Variants in PAAF1 observed in about 807,000 individuals in gnomAD.
The protein encoded by PAAF1 is proteasomal ATPase associated factor 1.
Under a neutral mutation model 52.8 loss-of-function variants are expected in PAAF1, and 46 were observed. The ratio of observed to expected loss-of-function variants is 0.87; its 90% CI spans 0.69 to 1.11. The LOEUF is 1.11. Among genes scored for constraint, PAAF1 ranks in the 50% most tolerant of loss-of-function variants. The probability of loss-of-function intolerance (pLI) is 0.00; values close to 1 mark genes in which losing one functional copy is unlikely to be tolerated. For missense variants in PAAF1, 424 were observed against 477.4 expected, an observed-to-expected ratio of 0.89 and a Z score of 1.04; for synonymous variants, 178 against 172.8, an observed-to-expected ratio of 1.03 and a Z score of -0.24.
At chr11:73,895,152 T>G (rs1239739977) in intron 4 of PAAF1, among the ~76,000 whole-genome samples, 1 of 152,322 alleles carries the variant, frequency 6.6e-6, no homozygotes, top group East Asian at 1.9e-4. Context: ...GCTAGAGATG[T>G]GGGACTAGAC....
At chr11:73,889,239 TCAGA>T in intron 3 of PAAF1, 2 of 1,441,606 alleles carry the variant, frequency 1.4e-6, no homozygotes, top group Admixed American at 4.9e-5. Flanking sequence ...CTGAGTGGGT[TCAGA>T]CAGTAAGTGC....
chr11:73,891,533 T>A (rs759518102), intron 4 of PAAF1, among the ~76,000 whole-genome samples: 5 of 152,200 alleles, frequency 3.3e-5, no homozygotes, highest in Non-Finnish European at 7.3e-5. Flanking sequence ...CCTAGCACTT[T>A]GGGAGGCAGA....
At chr11:73,895,786 T>C (rs1949327925) in intron 4 of PAAF1, among the ~76,000 whole-genome samples, 1 of 152,216 alleles carries the variant, frequency 6.6e-6, no homozygotes, top group Non-Finnish European at 1.5e-5. Context: ...TAATGGCTTA[T>C]GCATGAAGTG....
Position 73,877,035 on chromosome 11 carries a change from T to A in PAAF1, c.14T>A (p.Leu5Ter), listed in dbSNP as rs1192490519. ...GGCGGGGTCGAGATGGCGGCGCCTT[T>A]GAGGATTCAGAGCGACTGGGCGCAA... MAAP[L>*]RIQSDWAQAL... The change falls in exon 1 of 12, where the codon TTG becomes TAG. Residue 5 changes from leucine (L) to a stop codon, truncating the protein, a stop_gained. Transcript: ENST00000310571. LOFTEE classifies it high-confidence loss of function. 6.5e-7 allele frequency: 1 copy of A among 1,534,458 alleles called. No individual in the cohort carries two copies. The highest frequency in any genetic ancestry group is 2.0e-5 in the Admixed American group (1 of 48,786).
chr11:73,891,263 C>T, intron 4 of PAAF1, 62 bp downstream of exon 4: 1 of 929,076 alleles, frequency 1.1e-6, no homozygotes, highest in South Asian at 1.4e-5. Context: ...ATTTTATTTG[C>T]TTGTCTAGTG....
chr11:73,891,229 AATGTAATAGC>A, intron 4 of PAAF1, 28 bp downstream of exon 4: 1 of 1,277,486 alleles, frequency 7.8e-7, no homozygotes, highest in Non-Finnish European at 1.1e-6. Flanking sequence ...ATGAAGAGAA[AATGTAATAGC>A]ATGTTAATTT....
At chr11:73,899,556 CAT>C in intron 5 of PAAF1, among the ~76,000 whole-genome samples, 1 of 151,916 alleles carries the variant, frequency 6.6e-6, no homozygotes, top group Admixed American at 6.6e-5. Context: ...AGATTACAGG[CAT>C]GTGCCACCAC....
chr11:73,896,894 C>G (rs922193056), intron 4 of PAAF1, among the ~76,000 whole-genome samples: 1 of 151,206 alleles, frequency 6.6e-6, no homozygotes, highest in African/African-American at 2.4e-5. Flanking sequence ...GCGCCCCTCA[C>G]CTCCCGGACG....
At chr11:73,894,148 G>A (rs900748327) in intron 4 of PAAF1, among the ~76,000 whole-genome samples, 4 of 152,120 alleles carry the variant, frequency 2.6e-5, no homozygotes, top group Admixed American at 2.0e-4. Context: ...TGAGGGAGAA[G>A]GCAATTCACC....
At chr11:73,878,920 A>G in intron 2 of PAAF1, 101 bp downstream of exon 2, 1 of 1,104,662 alleles carries the variant, frequency 9.1e-7, no homozygotes, top group South Asian at 1.4e-5. Context: ...TCCTTACATA[A>G]TAGTCTGCAA....
At position 73,927,463 on chromosome 11, in the gene PAAF1, T is replaced by A; in HGVS notation, c.*101T>A. On this transcript the variant is annotated 3_prime_UTR_variant, in exon 12 of 12. Coordinates refer to ENST00000310571, the MANE Select transcript of PAAF1 (RefSeq NM_025155.3). ...TTCCCAAGGACCATGGCGTTTAATG[T>A]CTTGGGCACCCCTTGGAAATCACAG... The A allele has an allele frequency of 3.1e-6, 3 of 978,560 alleles. No homozygotes were observed. Among genetic ancestry groups the A allele is most frequent in the Non-Finnish European group, 3.2e-6 (2 of 629,604 alleles). 60.6% of individuals were successfully genotyped at this position (978,560 alleles called of 1,614,324 possible).
At chr11:73,922,644 C>T (rs7123871) in intron 10 of PAAF1, among the ~76,000 whole-genome samples, 89 of 151,972 alleles carry the variant, frequency 5.9e-4, no homozygotes, top group African/African-American at 2.1e-3. Context: ...GGTGAAACCC[C>T]GTCTCTACTA....
intron 11 of PAAF1, among the ~76,000 whole-genome samples, chr11:73,926,210 G>A (rs1950352176): frequency 6.6e-6 from 1 of 152,024 alleles, no homozygotes; most frequent in Non-Finnish European, 1.5e-5. Context: ...AGGTTCAAGC[G>A]ATTCTCCTGC....
At chr11:73,901,642 G>A (rs1949616217) in intron 6 of PAAF1, among the ~76,000 whole-genome samples, 1 of 150,600 alleles carries the variant, frequency 6.6e-6, no homozygotes, top group African/African-American at 2.4e-5. Flanking sequence ...TCACTCTGTC[G>A]CCTAGGCCGG....
upstream of PAAF1, chr11:73,876,968 G>T: frequency 6.7e-7 from 1 of 1,485,240 alleles, no homozygotes; most frequent in Non-Finnish European, 9.0e-7. Flanking sequence ...CGCTTCTCGG[G>T]GACTCACTTC....
chr11:73,897,209 C>T (rs1227116468), intron 4 of PAAF1, among the ~76,000 whole-genome samples: 4 of 129,878 alleles, frequency 3.1e-5, no homozygotes, highest in African/African-American at 6.5e-5. Context: ...CCCTCCCGGA[C>T]GGGGCGGCTG....
chr11:73,914,947 C>T (rs369834550), intron 8 of PAAF1, among the ~76,000 whole-genome samples: 107 of 152,162 alleles, frequency 7.0e-4, no homozygotes, highest in African/African-American at 2.5e-3. Flanking sequence ...TCAAGTGATC[C>T]GCCTGCCTCA....
intron 6 of PAAF1, among the ~76,000 whole-genome samples, chr11:73,905,292 C>T (rs1313690569): frequency 6.6e-6 from 1 of 151,894 alleles, no homozygotes; most frequent in Non-Finnish European, 1.5e-5. Context: ...GGCGTGATCT[C>T]AGCTCAGTGC....
chr11:73,914,755 T>C (rs937259729), intron 8 of PAAF1, among the ~76,000 whole-genome samples: 2 of 146,980 alleles, frequency 1.4e-5, no homozygotes, highest in Admixed American at 7.1e-5. Context: ...TTGGATGGAG[T>C]GCAGTGGCGC....
Sources: gnomAD v4.1 joint callset for allele counts (sites outside exome capture counted in the v4.1 genomes callset) on GRCh38, gnomAD v4.1.1 for gene constraint, MANE v1.5 for transcripts, NCBI Gene and HGNC (gene_info 2026-07-23, HGNC 2026-07-21) for gene names.